Variants in DROSHA observed in about 807,000 individuals in gnomAD.
DROSHA encodes ribonuclease 3.
Under a neutral mutation model 181.9 loss-of-function variants are expected in DROSHA, and 56 were observed. The ratio of observed to expected loss-of-function variants is 0.31; its 90% CI spans 0.25 to 0.38. DROSHA has a LOEUF of 0.38. Ranked by LOEUF, DROSHA falls within the 10% of genes least tolerant of loss-of-function variation. The pLI is 1.00. For missense variants in DROSHA, 1,218 were observed against 1,743.5 expected (o/e 0.70, Z 5.37); for synonymous variants, 524 against 591.2 (o/e 0.89, Z 1.65).
chr5:31,459,437 T>C (rs1040848832), intron 20 of DROSHA, among the ~76,000 whole-genome samples: 1 of 140,532 alleles, frequency 7.1e-6, no homozygotes, highest in Non-Finnish European at 1.5e-5. Context: ...AAAAAAAAAA[T>C]CTCTCTCAGG....
At chr5:31,438,982 T>C (rs1745217470) in intron 23 of DROSHA, among the ~76,000 whole-genome samples, 1 of 152,058 alleles carries the variant, frequency 6.6e-6, no homozygotes, top group Admixed American at 6.5e-5. Context: ...CCATGCCCAA[T>C]GTTGCTTAGA....
intron 35 of DROSHA, among the ~76,000 whole-genome samples, chr5:31,405,132 C>T (rs947542629): frequency 4.6e-5 from 7 of 152,178 alleles, no homozygotes; most frequent in African/African-American, 1.7e-4. Flanking sequence ...TTTTGGAGGC[C>T]CAGGTGGGTG....
At chr5:31,499,937 G>C (rs1392966303) in intron 11 of DROSHA, among the ~76,000 whole-genome samples, 1 of 152,168 alleles carries the variant, frequency 6.6e-6, no homozygotes, top group East Asian at 1.9e-4. Flanking sequence ...AGCAAGGCAG[G>C]ACCAAGCCTA....
chr5:31,425,257 G>GT (rs1362076257), intron 27 of DROSHA, among the ~76,000 whole-genome samples: 2 of 152,060 alleles, frequency 1.3e-5, no homozygotes, highest in African/African-American at 4.8e-5. Flanking sequence ...AGTACCACTT[G>GT]TAACACACAG....
At chr5:31,466,125 G>A (rs765949169) in intron 19 of DROSHA, 57 bp downstream of exon 19, 31 of 1,553,926 alleles carry the variant, frequency 2.0e-5, no homozygotes, top group African/African-American at 5.4e-5. Flanking sequence ...CAACAATCAC[G>A]AAATAAACCT....
At chr5:31,525,297 T>C (rs1266628304) in intron 5 of DROSHA, among the ~76,000 whole-genome samples, 4 of 119,498 alleles carry the variant, frequency 3.3e-5, no homozygotes, top group African/African-American at 1.3e-4. Context: ...GCCACTGCAC[T>C]CCAGCCTAGG....
chr5:31,518,508 A>C (rs1739512737), intron 6 of DROSHA, among the ~76,000 whole-genome samples: 1 of 152,232 alleles, frequency 6.6e-6, no homozygotes, highest in Non-Finnish European at 1.5e-5. Context: ...TCTTTGCATT[A>C]CATTTTCTAA....
intron 23 of DROSHA, among the ~76,000 whole-genome samples, chr5:31,437,784 C>T (rs994925909): frequency 2.6e-5 from 4 of 152,128 alleles, no homozygotes; most frequent in Admixed American, 2.0e-4. Context: ...TTACCCACTC[C>T]TACCCTATCC....
intron 16 of DROSHA, among the ~76,000 whole-genome samples, chr5:31,475,724 G>A (rs73749962): frequency 0.013 from 2,039 of 152,284 alleles, 50 homozygotes; most frequent in African/African-American, 0.046. Flanking sequence ...CTAAAATACC[G>A]TAAGAAGGAG....
intron 17 of DROSHA, among the ~76,000 whole-genome samples, chr5:31,471,763 T>A (rs1158809256): frequency 6.6e-6 from 1 of 152,208 alleles, no homozygotes; most frequent in Non-Finnish European, 1.5e-5. Context: ...TGCTCTCATA[T>A]GCTCCCAGAG....
At chr5:31,464,467 TCTTCATAC>T in intron 19 of DROSHA, 124 bp from the exon 20 acceptor site, 7 of 813,132 alleles carry the variant, frequency 8.6e-6, no homozygotes, top group Non-Finnish European at 1.4e-5. Flanking sequence ...TACTCAAACC[TCTTCATAC>T]AAAATTACAA....
At chr5:31,478,327 T>C (rs1202731852) in intron 16 of DROSHA, among the ~76,000 whole-genome samples, 1 of 152,088 alleles carries the variant, frequency 6.6e-6, no homozygotes, top group Non-Finnish European at 1.5e-5. Context: ...CAAAAAAAAC[T>C]CAAAATGTTT....
Position 31,449,288 on chromosome 5 carries a change from C to T in DROSHA, c.2814G>A (p.Arg938=), listed in dbSNP as rs1469691934. 1.9e-6 allele frequency: 3 copies of T among 1,613,724 alleles called. No individual in the cohort carries two copies. The highest frequency in any genetic ancestry group is 2.5e-6 in the Non-Finnish European group (3 of 1,179,846). Residue 938 remains arginine, a synonymous_variant, in exon 22 of 36, where the codon CGG becomes CGA. Transcript: ENST00000344624. ...AAAATCATCCAGACATACCTTTCTT[C>T]CGCATGTGCATGTGATGAACTTTTC... ...GDRKVHHMHM[R]KKGINTLINI... is the part of the protein sequence containing the mutation.
At position 31,505,935 on chromosome 5, in the gene DROSHA, T is replaced by C. The variant is rs372505818; in HGVS notation, c.1588-1300A>G. ...TAAAGTAAAAAGCTATACCTTTCTT[T>C]AGCCTCTTGGGAAATCTAAAGATCC... On this transcript the variant is annotated intron_variant, in intron 10 of 35. Transcript: ENST00000344624. 1.1e-4 allele frequency: 16 copies of C among 152,356 alleles called. No individual in the cohort carries two copies. In the East Asian group the frequency reaches 2.9e-3, roughly 28 times the overall value. The allele number at this position is 152,356 out of a possible 1,614,324, so 9.4% of individuals were successfully genotyped here.
At chr5:31,429,684 T>A in intron 26 of DROSHA, 139 bp from the exon 27 acceptor site, 1 of 624,762 alleles carries the variant, frequency 1.6e-6, no homozygotes, top group Non-Finnish European at 2.8e-6. Flanking sequence ...GCAATTGTCT[T>A]AAAGGTGACA....
intron 23 of DROSHA, among the ~76,000 whole-genome samples, chr5:31,441,549 T>C (rs1430638269): frequency 6.6e-6 from 1 of 152,204 alleles, no homozygotes; most frequent in Non-Finnish European, 1.5e-5. Flanking sequence ...TGACACATTA[T>C]ATTAACAAAA....
At chr5:31,480,864 G>C (rs1750956152) in intron 16 of DROSHA, among the ~76,000 whole-genome samples, 1 of 152,120 alleles carries the variant, frequency 6.6e-6, no homozygotes, top group African/African-American at 2.4e-5. Flanking sequence ...AGAAAGGAGA[G>C]AAGGAAGATG....
intron 16 of DROSHA, among the ~76,000 whole-genome samples, chr5:31,475,492 G>A (rs866517837): frequency 2.0e-5 from 3 of 152,080 alleles, no homozygotes; most frequent in Non-Finnish European, 4.4e-5. Context: ...GTGAACAGGT[G>A]GATGAGAAAA....
rs555883727 is a variant in DROSHA, at chr5:31,472,325, T to C, written c.2072-93A>G. The C allele has an allele frequency of 1.2e-5, 17 of 1,391,664 alleles. No homozygotes were observed. In the Admixed American group the frequency reaches 2.4e-4, roughly 20 times the overall value. The allele number at this position is 1,391,664 out of a possible 1,614,324, so 86.2% of individuals were successfully genotyped here. On this transcript the variant is annotated intron_variant, in intron 16 of 35. Transcript: ENST00000344624. ...CTGAATAAGGAAAAAAACAAGACAA[T>C]GGAGGAAAAAGAGCACATACAAAAA...
Sources: gnomAD v4.1 joint callset for allele counts (sites outside exome capture counted in the v4.1 genomes callset) on GRCh38, gnomAD v4.1.1 for gene constraint, MANE v1.5 for transcripts, NCBI Gene and HGNC (gene_info 2026-07-23, HGNC 2026-07-21) for gene names.